The following WNK2 variants were observed in gnomAD, a reference collection of about 807,000 sequenced individuals.
WNK2 encodes serine/threonine-protein kinase WNK2.
Under a neutral mutation model 192.1 loss-of-function variants are expected in WNK2, and 67 were observed. The ratio of observed to expected loss-of-function variants is 0.35; its 90% CI spans 0.29 to 0.43. The LOEUF is 0.43. Among genes scored for constraint, WNK2 ranks in the 20% least tolerant of loss-of-function variants. WNK2 has a pLI of 1.00. For synonymous variants in WNK2, 1,439 were observed against 1,393.9 expected (o/e 1.03, Z -0.72); for missense variants, 2,698 against 3,089.7 (o/e 0.87, Z 3.01).
At position 93,297,857 on chromosome 9, in the gene WNK2, C is replaced by T; in HGVS notation, c.5713C>T (p.Leu1905=). Residue 1905 remains leucine, a synonymous_variant, in exon 24 of 30, where the codon CTG becomes TTG. Transcript: ENST00000427277. ...CCCTCCTGTCCCCTCCTGCAGGCACCTGAAGGAGATCTCGGAGCTGCAGAG... is the reference window on the plus strand; with the variant it reads ...CCCTCCTGTCCCCTCCTGCAGGCACTTGAAGGAGATCTCGGAGCTGCAGAG... ...KELQSLREKH[L]KEISELQSQQ... The T allele has an allele frequency of 1.9e-6, 3 of 1,579,480 alleles. No homozygotes were observed. The highest frequency in any genetic ancestry group is 2.3e-5 in the East Asian group (1 of 42,622).
intron 2 of WNK2, among the ~76,000 whole-genome samples, chr9:93,186,975 G>A (rs1458062302): frequency 1.3e-5 from 2 of 152,144 alleles, no homozygotes; most frequent in South Asian, 2.1e-4. Flanking sequence ...GGGGTCCTGG[G>A]GTGTGCTGGG....
intron 23 of WNK2, among the ~76,000 whole-genome samples, chr9:93,295,672 C>A (rs1012062766): frequency 2.0e-5 from 3 of 151,850 alleles, no homozygotes; most frequent in East Asian, 3.9e-4. Flanking sequence ...ACAGGGAGGC[C>A]CAGCTCCACT....
chr9:93,305,988 G>A (rs1392276412), intron 26 of WNK2, among the ~76,000 whole-genome samples: 2 of 151,916 alleles, frequency 1.3e-5, no homozygotes, highest in Admixed American at 1.3e-4. Context: ...CTGCCCTGGG[G>A]ACCTTGTCCC....
rs1366552025 is a variant in WNK2, at chr9:93,262,111, T to G, written c.3360+4T>G. ...GACGGTGGAACCAGTCCAAGAGGTG[T>G]GTGCCCCTCCCCCCAGCCTGTCCCA... On this transcript the variant is annotated splice_donor_region_variant and intron_variant, in intron 13 of 29. Coordinates refer to ENST00000427277, the MANE Select transcript of WNK2 (RefSeq NM_006648.4). 1 of 1,576,218 alleles carries G rather than the reference T, an allele frequency of 6.3e-7. No individual in the cohort carries two copies. The highest frequency in any genetic ancestry group is 1.2e-5 in the South Asian group (1 of 86,696).
rs1322295154 is a variant in WNK2, at chr9:93,185,151, G to A, written c.222G>A (p.Arg74=). 22 of 1,292,246 alleles carry A rather than the reference G, an allele frequency of 1.7e-5. No individual in the cohort carries two copies. Among genetic ancestry groups the A allele is most frequent in the Non-Finnish European group, 2.0e-5 (20 of 1,013,456 alleles). 80.0% of individuals were successfully genotyped at this position (1,292,246 alleles called of 1,614,324 possible). Residue 74 remains arginine (R), a synonymous_variant, in exon 2 of 30, where the codon CGG becomes CGA. Transcript: ENST00000427277. Reference sequence around the variant, plus strand: ...AGCCCCCGCAGCCCCTGCAGCGCCGGGTGCTTCTGCTCTGCAAGACGCGCC... The same window carrying A: ...AGCCCCCGCAGCCCCTGCAGCGCCGAGTGCTTCTGCTCTGCAAGACGCGCC... The part of the protein sequence containing the change: ...GPQPPQPLQR[R]VLLLCKTRRL...
chr9:93,208,084 G>T (rs1401319239), intron 2 of WNK2, among the ~76,000 whole-genome samples: 1 of 152,186 alleles, frequency 6.6e-6, no homozygotes, highest in Non-Finnish European at 1.5e-5. Flanking sequence ...TAATGCTGCA[G>T]TGACGATTCC....
intron 19 of WNK2, among the ~76,000 whole-genome samples, chr9:93,282,293 T>TGTG (rs10637617): frequency 0.88 from 134,150 of 151,832 alleles, 60,229 homozygotes; most frequent in East Asian, 1. Flanking sequence ...CCTCCACACT[T>TGTG]GTGGAGGGGG....
At position 93,297,983 on chromosome 9, in the gene WNK2, A is replaced by C. The variant is rs1850903593; in HGVS notation, c.5839A>C (p.Arg1947=). 1 of 1,565,056 alleles carries C rather than the reference A, an allele frequency of 6.4e-7. No homozygotes were observed. Among genetic ancestry groups the C allele is most frequent in the African/African-American group, 1.4e-5 (1 of 73,574 alleles). ...CACGGCACCCCCCACTGGCCGCCGG[A>C]GAAAAACCAGCAAGAGCAAGCTGAA... is the stretch of plus-strand genomic sequence containing the variant. ...FHTAPPTGRR[R]KTSKSKLKAG... The change falls in exon 24 of 30, where the codon AGA becomes CGA. Residue 1947 remains arginine, a synonymous_variant. Transcript: ENST00000427277.
At chr9:93,251,402 C>T (rs1211586936) in intron 8 of WNK2, among the ~76,000 whole-genome samples, 1 of 152,120 alleles carries the variant, frequency 6.6e-6, no homozygotes, top group Non-Finnish European at 1.5e-5. Context: ...CAGGCATGAG[C>T]CACCATGCCC....
At chr9:93,240,071 CG>C in intron 7 of WNK2, 95 bp downstream of exon 7, 1 of 1,310,352 alleles carries the variant, frequency 7.6e-7, no homozygotes, top group South Asian at 1.4e-5. Context: ...GGGCTTGCTC[CG>C]GAGGGGACTG....
chr9:93,292,426 G>C, intron 22 of WNK2, 30 bp downstream of exon 22: 1 of 1,613,838 alleles, frequency 6.2e-7, no homozygotes, highest in Non-Finnish European at 8.5e-7. Flanking sequence ...CCCCTGGCTG[G>C]TTGGCAGGGT....
rs1024007183 is a variant in WNK2 at position 93,239,549 on chromosome 9, A to G, written c.1323-208A>G. Among the ~76,000 whole-genome samples, 2 of 151,514 alleles carry G rather than the reference A, an allele frequency of 1.3e-5. No homozygotes were observed. The highest frequency in any genetic ancestry group is 4.8e-5 in the African/African-American group (2 of 41,246). On this transcript the variant is annotated intron_variant, in intron 6 of 29. Coordinates refer to ENST00000427277, the MANE Select transcript of WNK2 (RefSeq NM_006648.4). The surrounding 1 kb of genome is among the most constrained non-coding windows in gnomAD (Gnocchi z 4.2). ...GTTTTTTTTTTTTATAATGAGGGGG[A>G]ATAAAGGAAGTCTTAAAACACTATG...
At chr9:93,308,772 C>T (rs1225771349) in intron 28 of WNK2, 188 bp downstream of exon 28, 2 of 1,422,792 alleles carry the variant, frequency 1.4e-6, no homozygotes, top group Non-Finnish European at 1.8e-6. Flanking sequence ...AGCGACGCAC[C>T]CACAGCTCCG....
chr9:93,234,769 T>C (rs924450901), intron 4 of WNK2, 39 bp from the exon 5 acceptor site: 3 of 1,596,206 alleles, frequency 1.9e-6, no homozygotes, highest in African/African-American at 2.7e-5. Flanking sequence ...CCTGGGCCCG[T>C]GGCCAGCTGA....
At position 93,268,052 on chromosome 9, in the gene WNK2, G is replaced by A. The variant is rs746031034; in HGVS notation, c.3900G>A (p.Val1300=). 2.5e-6 allele frequency: 4 copies of A among 1,611,714 alleles called. No homozygotes were observed. In the Admixed American group the frequency reaches 5.0e-5, roughly 20 times the overall value. The change falls in exon 18 of 30, where the codon GTG becomes GTA. Residue 1300 remains valine (V), a synonymous_variant. Coordinates refer to ENST00000427277, the MANE Select transcript of WNK2 (RefSeq NM_006648.4). Reference sequence around the variant, plus strand: ...GACAATCCCAAGCCAACGCCCCCGTGTATCAGCAGAACGGTGAGTCTGCAA... The same window carrying A: ...GACAATCCCAAGCCAACGCCCCCGTATATCAGCAGAACGGTGAGTCTGCAA... The part of the protein sequence containing the change: ...ESRQSQANAP[V]YQQNVLHTGK...
Position 93,219,546 on chromosome 9 carries a change from T to G in WNK2, c.682-10150T>G, listed in dbSNP as rs143042079. Among the ~76,000 whole-genome samples the G allele has an allele frequency of 5.3e-3, 814 of 152,302 alleles. 7 individuals carry two copies. Among genetic ancestry groups the G allele is most frequent in the African/African-American group, 0.018 (765 of 41,558 alleles). On this transcript the variant is annotated intron_variant, in intron 2 of 29. Transcript: ENST00000427277. ...GTCATTGGCTTTTAGCTGGTGGTCT[T>G]CATTTAAGGATGCTGGTCCTTGGGG...
At chr9:93,318,466 G>A in intron 29 of WNK2, 3 of 1,614,132 alleles carry the variant, frequency 1.9e-6, no homozygotes, top group Non-Finnish European at 1.7e-6. Context: ...TGCTCAGTAG[G>A]GAATGTCAGT....
At chr9:93,201,149 T>G in intron 2 of WNK2, among the ~76,000 whole-genome samples, 1 of 152,156 alleles carries the variant, frequency 6.6e-6, no homozygotes, top group East Asian at 1.9e-4. Context: ...GTTCTCTGCC[T>G]GCTTTAGGGT....
At chr9:93,300,849 A>T (rs1266267849) in intron 26 of WNK2, among the ~76,000 whole-genome samples, 1 of 152,030 alleles carries the variant, frequency 6.6e-6, no homozygotes, top group Non-Finnish European at 1.5e-5. Context: ...CTCCTCACCC[A>T]CTGCTGTCTC....
Sources: allele counts gnomAD v4.1 joint callset (sites outside exome capture counted in the v4.1 genomes callset), GRCh38; gene constraint gnomAD v4.1.1; non-coding constraint Gnocchi (gnomAD v3.1); transcripts MANE v1.5; gene names NCBI Gene and HGNC (gene_info 2026-07-23, HGNC 2026-07-21).